Variants in PPP3CA observed in about 807,000 individuals in gnomAD.
PPP3CA encodes the protein CAM-PRP catalytic subunit.
A neutral mutation model predicts 66.5 loss-of-function variants in PPP3CA; 14 were observed. The observed-to-expected ratio is 0.21, with a 90% CI of 0.14 to 0.33. PPP3CA has a LOEUF of 0.33. Ranked by LOEUF, PPP3CA falls within the 10% of genes least tolerant of loss-of-function variation. The pLI, the probability that PPP3CA is intolerant of heterozygous loss-of-function variation, is 1.00. For synonymous variants in PPP3CA, 232 were observed against 226.2 expected (o/e 1.03, Z -0.23); for missense variants, 317 against 639.5 (o/e 0.50, Z 5.44).
At chr4:101,198,991 G>A (rs1724886976) in intron 1 of PPP3CA, among the ~76,000 whole-genome samples, 1 of 152,136 alleles carries the variant, frequency 6.6e-6, no homozygotes, top group African/African-American at 2.4e-5. Flanking sequence ...TAAACAGATG[G>A]CAAAGCCTGC....
At position 101,314,569 on chromosome 4, in the gene PPP3CA, CAAAAAAAAAAAAA is replaced by C. The variant is rs748980814; in HGVS notation, c.58+32157_58+32169del. On this transcript the variant is annotated intron_variant, in intron 1 of 13. Coordinates refer to ENST00000394854, the MANE Select transcript of PPP3CA (RefSeq NM_000944.5). ...ACAGAGCAAGACTCCATCTCAAAACCAAAAAAAAAAAAAAAAAAAAAAAGATTTAATTTTCAAA... is the reference window on the plus strand; with the variant it reads ...ACAGAGCAAGACTCCATCTCAAAACCAAAAAAAAAAGATTTAATTTTCAAA... Among the ~76,000 whole-genome samples, 180 of 75,270 alleles carry C rather than the reference CAAAAAAAAAAAAA, an allele frequency of 2.4e-3. 4 individuals are homozygous for C. The East Asian group carries it at 0.062, about 26-fold the overall frequency. The allele number at this position is 75,270 out of a possible 152,430, so 49.4% of individuals were successfully genotyped here. A position where few individuals can be genotyped will look rare whatever the true frequency, so the allele number is the denominator to read the frequency against.
intron 2 of PPP3CA, among the ~76,000 whole-genome samples, chr4:101,132,665 G>C (rs932244512): frequency 1.3e-5 from 2 of 152,184 alleles, no homozygotes; most frequent in African/African-American, 4.8e-5. Context: ...AATTCTACCA[G>C]AGGTACAAAG....
At chr4:101,264,009 C>G (rs972324177) in intron 1 of PPP3CA, among the ~76,000 whole-genome samples, 8 of 152,100 alleles carry the variant, frequency 5.3e-5, no homozygotes, top group Admixed American at 2.6e-4. Flanking sequence ...GAGTCTCCAT[C>G]CAAAACCATC....
chr4:101,238,823 C>T (rs1195704687), intron 1 of PPP3CA, among the ~76,000 whole-genome samples: 1 of 152,056 alleles, frequency 6.6e-6, no homozygotes, highest in Non-Finnish European at 1.5e-5. Context: ...CTAGCCTTCT[C>T]AGAGACTTAA....
chr4:101,043,886 A>T (rs1334629837), intron 10 of PPP3CA, among the ~76,000 whole-genome samples: 1 of 152,146 alleles, frequency 6.6e-6, no homozygotes. Context: ...AAAAAAAAAA[A>T]TTTCTCAATA....
intron 8 of PPP3CA, among the ~76,000 whole-genome samples, chr4:101,075,557 T>C (rs146034685): frequency 6.6e-6 from 1 of 152,334 alleles, no homozygotes; most frequent in East Asian, 1.9e-4. Flanking sequence ...TACTGTCGTT[T>C]ACTTTAGATT....
chr4:101,051,483 A>G (rs529910781), intron 10 of PPP3CA, among the ~76,000 whole-genome samples: 11 of 152,250 alleles, frequency 7.2e-5, no homozygotes, highest in Non-Finnish European at 1.3e-4. Context: ...CTCTGCCAGA[A>G]AAGTTTGAAA....
chr4:101,109,177 T>C lies in PPP3CA; in HGVS notation c.260-99A>G, dbSNP rs868358255. On this transcript the variant is annotated intron_variant, in intron 2 of 13. Transcript: ENST00000394854. ...TTAGAACCAGAATTAATTTCAAGTT[T>C]ATCTGAGCCAAAACATTCTTTTGCA... 4 of 1,216,168 alleles carry C rather than the reference T, an allele frequency of 3.3e-6. No homozygotes were observed. In the African/African-American group the frequency reaches 4.6e-5, roughly 14 times the overall value. 75.3% of individuals were successfully genotyped at this position (1,216,168 alleles called of 1,614,324 possible).
chr4:101,054,912 T>A (rs951698619), intron 10 of PPP3CA, among the ~76,000 whole-genome samples: 1 of 152,146 alleles, frequency 6.6e-6, no homozygotes, highest in Non-Finnish European at 1.5e-5. Context: ...TAATTTAATA[T>A]TAAGTCTTTC....
intron 1 of PPP3CA, among the ~76,000 whole-genome samples, chr4:101,285,599 A>ATGTGTGTG (rs56681112): frequency 1.6e-3 from 194 of 124,588 alleles, no homozygotes; most frequent in East Asian, 3.6e-3. Context: ...CACTGTGTGT[A>ATGTGTGTG]TGTGTGTGTG....
At chr4:101,200,608 T>G (rs542139652) in intron 1 of PPP3CA, among the ~76,000 whole-genome samples, 1 of 152,154 alleles carries the variant, frequency 6.6e-6, no homozygotes, top group African/African-American at 2.4e-5. Context: ...CCTCCTTTTT[T>G]TCCCCCCTCA....
chr4:101,307,048 T>C (rs930675257), intron 1 of PPP3CA, among the ~76,000 whole-genome samples: 2 of 151,926 alleles, frequency 1.3e-5, no homozygotes, highest in Non-Finnish European at 2.9e-5. Flanking sequence ...GGTGGTATTG[T>C]AGGTGTTACA....
chr4:101,058,933 A>G (rs1728343035), intron 10 of PPP3CA, among the ~76,000 whole-genome samples: 1 of 152,172 alleles, frequency 6.6e-6, no homozygotes, highest in Non-Finnish European at 1.5e-5. Flanking sequence ...TATTCTCTAC[A>G]GTATGTTACA....
chr4:101,026,645 G>A (rs1364891988), intron 13 of PPP3CA, among the ~76,000 whole-genome samples: 1 of 134,372 alleles, frequency 7.4e-6, no homozygotes, highest in African/African-American at 2.5e-5. Context: ...GCAACTCAAT[G>A]ATGACATGAA....
chr4:101,124,761 AAGAAAGAAAGAAAG>A (rs1560614644), intron 2 of PPP3CA, among the ~76,000 whole-genome samples: 2 of 128,148 alleles, frequency 1.6e-5, no homozygotes, highest in Non-Finnish European at 3.3e-5. Flanking sequence ...GAAAGAAAGA[AAGAAAGAAAGAAAG>A]AAAGAAAGAA....
At chr4:101,110,573 T>C (rs950730044) in intron 2 of PPP3CA, among the ~76,000 whole-genome samples, 2 of 152,186 alleles carry the variant, frequency 1.3e-5, no homozygotes, top group African/African-American at 2.4e-5. Context: ...TCCAATCATA[T>C]AGCTTCTTCC....
At chr4:101,207,402 T>C (rs536796649) in intron 1 of PPP3CA, among the ~76,000 whole-genome samples, 1 of 152,160 alleles carries the variant, frequency 6.6e-6, no homozygotes, top group Non-Finnish European at 1.5e-5. Flanking sequence ...GAGTCAGAAG[T>C]AGTTCAGGGG....
chr4:101,194,699 T>C (rs1178266172), intron 2 of PPP3CA, among the ~76,000 whole-genome samples: 1 of 151,982 alleles, frequency 6.6e-6, no homozygotes, highest in East Asian at 1.9e-4. Context: ...TCGAAGTAGC[T>C]GGGATTATAG....
intron 8 of PPP3CA, among the ~76,000 whole-genome samples, chr4:101,073,965 T>C (rs1208464147): frequency 6.6e-6 from 1 of 152,196 alleles, no homozygotes; most frequent in East Asian, 1.9e-4. Context: ...ATCTTCAGGT[T>C]TGAGATGATG....
Sources: allele counts gnomAD v4.1 joint callset (sites outside exome capture counted in the v4.1 genomes callset), GRCh38; gene constraint gnomAD v4.1.1; transcripts MANE v1.5; gene names NCBI Gene and HGNC (gene_info 2026-07-23, HGNC 2026-07-21).